Variants in CDK8 observed in about 807,000 individuals in gnomAD.
CDK8 encodes cyclin-dependent kinase 8.
In CDK8, 29 loss-of-function variants were observed where a neutral mutation model predicts 71.5. The observed-to-expected ratio is 0.41, with a 90% CI of 0.30 to 0.55. The LOEUF (loss-of-function observed/expected upper bound fraction) is 0.55, where lower values mean the gene tolerates loss of function less well. CDK8 is among the 20% of genes least tolerant of loss of function. The pLI is 0.37. For missense variants in CDK8, 288 were observed against 572.6 expected (o/e 0.50, Z 5.07); for synonymous variants, 161 against 192.1 (o/e 0.84, Z 1.34).
chr13:26,307,010 T>C (rs1055205217), intron 1 of CDK8, among the ~76,000 whole-genome samples: 3 of 152,194 alleles, frequency 2.0e-5, no homozygotes, highest in African/African-American at 7.2e-5. Flanking sequence ...GAGAAACTCA[T>C]ATTAAAAGCT....
rs1261516274 is a variant in CDK8 at position 26,400,570 on chromosome 13, A to T, written c.1031+20A>T. ...ATCAGAGTAAGTGGCCTAGTTGGTTAACTCATCAGCATGATGGAAGTTTTG... is the reference window on the plus strand; with the variant it reads ...ATCAGAGTAAGTGGCCTAGTTGGTTTACTCATCAGCATGATGGAAGTTTTG... On this transcript the variant is annotated intron_variant, in intron 10 of 12. Coordinates refer to ENST00000381527, the MANE Select transcript of CDK8 (RefSeq NM_001260.3). 3 of 1,411,522 alleles carry T rather than the reference A, an allele frequency of 2.1e-6. No homozygotes were observed. The highest frequency in any genetic ancestry group is 2.8e-5 in the African/African-American group (2 of 70,862). 87.4% of individuals were successfully genotyped at this position (1,411,522 alleles called of 1,614,324 possible). A position where few individuals can be genotyped will look rare whatever the true frequency, so the allele number is the denominator to read the frequency against.
chr13:26,373,469 T>C (rs1206504566), intron 4 of CDK8, among the ~76,000 whole-genome samples: 1 of 152,182 alleles, frequency 6.6e-6, no homozygotes, highest in Admixed American at 6.5e-5. Context: ...TTCCTTTTGA[T>C]ATAACAATCT....
intron 1 of CDK8, among the ~76,000 whole-genome samples, chr13:26,276,197 G>A (rs1432348016): frequency 6.6e-6 from 1 of 152,034 alleles, no homozygotes; most frequent in Non-Finnish European, 1.5e-5. Flanking sequence ...ATTCTTACTG[G>A]CAGTGTTGGA....
rs58160694 is a variant in CDK8 at position 26,271,806 on chromosome 13, C to CTTTTTTTTT, written c.128+17065_128+17073dup. ...CCTGGGGGACAGAGTGAGACCCTGT[C>CTTTTTTTTT]TTTTTTTTTTTTTTTTTTTTTTTTT... On this transcript the variant is annotated intron_variant, in intron 1 of 12. Coordinates refer to ENST00000381527, the MANE Select transcript of CDK8 (RefSeq NM_001260.3). 2.2e-4 allele frequency among the ~76,000 whole-genome samples: 14 copies of CTTTTTTTTT among 62,670 alleles called. 3 individuals carry two copies. Among genetic ancestry groups the CTTTTTTTTT allele is most frequent in the African/African-American group, 7.8e-4 (9 of 11,548 alleles). 41.1% of individuals were successfully genotyped at this position (62,670 alleles called of 152,430 possible).
At chr13:26,332,228 T>C (rs1025957647) in intron 1 of CDK8, among the ~76,000 whole-genome samples, 2 of 151,962 alleles carry the variant, frequency 1.3e-5, no homozygotes, top group African/African-American at 4.8e-5. Flanking sequence ...AGGTTTTTTT[T>C]AATACAAGAT....
intron 1 of CDK8, among the ~76,000 whole-genome samples, chr13:26,327,434 C>A (rs1244661199): frequency 6.6e-6 from 1 of 152,028 alleles, no homozygotes; most frequent in East Asian, 1.9e-4. Flanking sequence ...CTTTGTTATT[C>A]TGAATTTGGG....
intron 1 of CDK8, among the ~76,000 whole-genome samples, chr13:26,313,819 A>G (rs1300153032): frequency 6.6e-6 from 1 of 152,192 alleles, no homozygotes; most frequent in Non-Finnish European, 1.5e-5. Context: ...CCTTTAACTC[A>G]GAAAGGAGGT....
intron 1 of CDK8, among the ~76,000 whole-genome samples, chr13:26,284,000 G>C (rs1332884909): frequency 6.6e-6 from 1 of 151,934 alleles, no homozygotes; most frequent in African/African-American, 2.4e-5. Flanking sequence ...CATCAAAACT[G>C]TACAAATACA....
At chr13:26,283,183 C>G (rs1444921975) in intron 1 of CDK8, among the ~76,000 whole-genome samples, 3 of 152,166 alleles carry the variant, frequency 2.0e-5, no homozygotes, top group Non-Finnish European at 4.4e-5. Context: ...TAAACTATAC[C>G]ATAGAACAAA....
At chr13:26,333,473 A>G (rs1335578643) in intron 1 of CDK8, among the ~76,000 whole-genome samples, 1 of 152,168 alleles carries the variant, frequency 6.6e-6, no homozygotes, top group Non-Finnish European at 1.5e-5. Context: ...TAAGTACTTA[A>G]GTGTAAGAAA....
rs373713112 is a variant in CDK8, at chr13:26,289,975, TGA to T, written c.128+35208_128+35209del. On this transcript the variant is annotated intron_variant, in intron 1 of 12. Transcript: ENST00000381527. ...TTTTGTAAAACTGATTAGATTTTCT[TGA>T]GTACTCTTTTGCATTTAGATCAGAA... Among the ~76,000 whole-genome samples the T allele has an allele frequency of 2.0e-4, 31 of 152,362 alleles. No homozygotes were observed. The East Asian group carries it at 4.8e-3, about 24-fold the overall frequency.
intron 4 of CDK8, among the ~76,000 whole-genome samples, chr13:26,362,382 A>G (rs1198637248): frequency 6.6e-6 from 1 of 152,170 alleles, no homozygotes; most frequent in Non-Finnish European, 1.5e-5. Flanking sequence ...AGCTGGTTGC[A>G]TGGTTCAGTC....
rs149938925 is a variant in CDK8, at chr13:26,254,796, C to T, written c.128+27C>T. The T allele has an allele frequency of 1.1e-3, 1,787 of 1,606,382 alleles. 22 individuals carry two copies. The African/African-American group carries it at 0.021, about 19-fold the overall frequency. On this transcript the variant is annotated intron_variant, in intron 1 of 12. Coordinates refer to ENST00000381527, the MANE Select transcript of CDK8 (RefSeq NM_001260.3). This position sits in a 1 kb window ranked among gnomAD's most constrained non-coding sequence, Gnocchi z 6.7. ...TGAGTGTGTGTGTCTGGGCCGGTGT[C>T]CGCGCTGGGCGGCGCTCCCGCAGGC...
rs1452733054 is a variant in CDK8 at position 26,397,158 on chromosome 13, C to T, written c.866C>T (p.Thr289Ile). 6.3e-7 allele frequency: 1 copy of T among 1,575,938 alleles called. No individual in the cohort carries two copies. Among genetic ancestry groups the T allele is most frequent in the Admixed American group, 1.7e-5 (1 of 58,656 alleles). ...LMKDFRRNTY[T>I]NCSLIKYMEK... ...TCATAGTATTTCTCTTTCAGGTATA[C>T]CAACTGCAGCCTTATCAAGTATATG... Residue 289 changes from threonine to isoleucine, a missense_variant, in exon 9 of 13, where the codon ACC (threonine) becomes ATC (isoleucine). Thr to Ile is a moderately conservative substitution (Grantham distance 89). This residue lies in a region of CDK8 where 96 missense variants were observed against 229.8 expected (regional missense o/e 0.42). Transcript: ENST00000381527.
chr13:26,256,070 T>C (rs1368567868), intron 1 of CDK8, among the ~76,000 whole-genome samples: 1 of 152,194 alleles, frequency 6.6e-6, no homozygotes, highest in Non-Finnish European at 1.5e-5. Flanking sequence ...TAATTTAGAA[T>C]GTGTATTTTA....
Position 26,401,659 on chromosome 13 carries a change from A to C in CDK8, c.1269+35A>C. The C allele has an allele frequency of 6.2e-7, 1 of 1,605,610 alleles. No individual in the cohort carries two copies. The highest frequency in any genetic ancestry group is 8.5e-7 in the Non-Finnish European group (1 of 1,172,476). On this transcript the variant is annotated intron_variant, in intron 12 of 12. Coordinates refer to ENST00000381527, the MANE Select transcript of CDK8 (RefSeq NM_001260.3). The surrounding 1 kb of genome is among the most constrained non-coding windows in gnomAD (Gnocchi z 4.5). ...GTTTATTTTGTATTGACTGCATGTC[A>C]GTGTTTACATATGGGTTTATGATCG...
At chr13:26,400,941 T>C (rs1402674098) in intron 10 of CDK8, among the ~76,000 whole-genome samples, 1 of 152,124 alleles carries the variant, frequency 6.6e-6, no homozygotes, top group Non-Finnish European at 1.5e-5. Flanking sequence ...AAAACAAAAA[T>C]TACCTTTGAA....
chr13:26,312,685 G>A (rs1386697985), intron 1 of CDK8, among the ~76,000 whole-genome samples: 2 of 152,180 alleles, frequency 1.3e-5, no homozygotes, highest in Non-Finnish European at 1.5e-5. Flanking sequence ...TGAAGTCAGC[G>A]AGACCAAGAA....
At chr13:26,301,082 G>C (rs1179371310) in intron 1 of CDK8, among the ~76,000 whole-genome samples, 1 of 152,004 alleles carries the variant, frequency 6.6e-6, no homozygotes, top group Non-Finnish European at 1.5e-5. Flanking sequence ...GTCTTCAACT[G>C]TTGGTTTTAG....
Sources: gnomAD v4.1 joint callset for allele counts (sites outside exome capture counted in the v4.1 genomes callset) on GRCh38, gnomAD v4.1.1 for gene constraint, gnomAD v4.1.1 regional missense constraint, Gnocchi (gnomAD v3.1) non-coding constraint, MANE v1.5 for transcripts, NCBI Gene and HGNC (gene_info 2026-07-23, HGNC 2026-07-21) for gene names.